The following PPP2R2C variants were observed in gnomAD, a reference collection of about 807,000 sequenced individuals.
PPP2R2C encodes the protein protein phosphatase 2, regulatory subunit B, gamma.
In PPP2R2C, 10 loss-of-function variants were observed where a neutral mutation model predicts 45.3. The observed-to-expected ratio is 0.22, with a 90% CI of 0.14 to 0.37. The LOEUF (loss-of-function observed/expected upper bound fraction) is 0.37. PPP2R2C is among the 10% of genes least tolerant of loss of function. The pLI, the probability that PPP2R2C is intolerant of heterozygous loss-of-function variation, is 1.00. For missense variants in PPP2R2C, 308 were observed against 619.7 expected (o/e 0.50, Z 5.34); for synonymous variants, 257 against 245.4 (o/e 1.05, Z -0.44).
At chr4:6,340,284 G>A (rs1021850600) in intron 6 of PPP2R2C, among the ~76,000 whole-genome samples, 1 of 152,096 alleles carries the variant, frequency 6.6e-6, no homozygotes, top group Non-Finnish European at 1.5e-5. Flanking sequence ...CGTCAGCCAG[G>A]TTCCTCTCAG....
At position 6,421,059 on chromosome 4, in the gene PPP2R2C, T is replaced by G. The variant is rs116456820; in HGVS notation, c.71-39965A>C. On this transcript the variant is annotated intron_variant, in intron 1 of 8. Transcript: ENST00000382599. The stretch of plus-strand genomic sequence containing the variant: ...GCTTTGTGTGCACCCTTCTTCCTAT[T>G]TGGGGTGTCCACAGAAGTGGAGAGG... The G allele has an allele frequency of 5.1e-6, 5 of 985,118 alleles. No homozygotes were observed. In the African/African-American group the frequency reaches 8.7e-5, roughly 17 times the overall value. 61.0% of individuals were successfully genotyped at this position (985,118 alleles called of 1,614,324 possible).
chr4:6,427,060 A>C (rs1201980721), intron 1 of PPP2R2C, among the ~76,000 whole-genome samples: 1 of 152,186 alleles, frequency 6.6e-6, no homozygotes, highest in Non-Finnish European at 1.5e-5. Context: ...CCAAGAAGAG[A>C]ATATCTGACC....
At chr4:6,561,327 A>G (rs1189483724) in intron 1 of PPP2R2C, among the ~76,000 whole-genome samples, 2 of 152,160 alleles carry the variant, frequency 1.3e-5, no homozygotes, top group Non-Finnish European at 2.9e-5. Context: ...AGGAAATAAA[A>G]CCACCATGAC....
chr4:6,335,594 C>A (rs1195446495), intron 6 of PPP2R2C, among the ~76,000 whole-genome samples: 1 of 152,014 alleles, frequency 6.6e-6, no homozygotes, highest in East Asian at 1.9e-4. Context: ...AGGATGAAAT[C>A]TGAGTCAAGG....
intron 1 of PPP2R2C, among the ~76,000 whole-genome samples, chr4:6,402,305 A>G (rs181141282): frequency 6.6e-6 from 1 of 152,254 alleles, no homozygotes; most frequent in East Asian, 1.9e-4. Flanking sequence ...GGCTCTTCAT[A>G]CAAGCGGCCC....
chr4:6,433,600 C>T (rs554353654), intron 1 of PPP2R2C, among the ~76,000 whole-genome samples: 8 of 152,208 alleles, frequency 5.3e-5, no homozygotes, highest in South Asian at 2.1e-4. Flanking sequence ...GTCATCCCCC[C>T]CATTGGGCCA....
intron 2 of PPP2R2C, among the ~76,000 whole-genome samples, chr4:6,488,762 C>T (rs896003449): frequency 1.9e-4 from 29 of 149,292 alleles, no homozygotes; most frequent in African/African-American, 6.7e-4. Context: ...CAGAAATTAT[C>T]AATCTAGGAC....
rs143254935 is a variant in PPP2R2C at position 6,333,694 on chromosome 4, G to A, written c.828C>T (p.Phe276=). 8 of 1,614,048 alleles carry A rather than the reference G, an allele frequency of 5.0e-6. No individual in the cohort carries two copies. The African/African-American group carries it at 1.1e-4, about 22-fold the overall frequency. The change falls in exon 7 of 9, where the codon TTC becomes TTT. Residue 276 remains phenylalanine (F), a synonymous_variant. Transcript: ENST00000382599. ...ACACGGAGGAGATGATTTCCGAGAA[G>A]AATGAGCGGTTACTGGGGTCCTCAG... ...EEPEDPSNRS[F]FSEIISSVSD... is the part of the protein sequence containing the mutation.
At chr4:6,430,588 A>G (rs1044027730) in intron 1 of PPP2R2C, among the ~76,000 whole-genome samples, 1 of 152,176 alleles carries the variant, frequency 6.6e-6, no homozygotes, top group Non-Finnish European at 1.5e-5. Context: ...ATTTAGCAGA[A>G]TCAGGCCAAC....
chr4:6,477,456 G>T (rs1456658177), upstream of PPP2R2C, among the ~76,000 whole-genome samples: 2 of 152,138 alleles, frequency 1.3e-5, no homozygotes, highest in African/African-American at 4.8e-5. Context: ...GCTGGGCACG[G>T]TGCCTCACGC....
At chr4:6,525,007 G>T (rs549478454) in intron 2 of PPP2R2C, among the ~76,000 whole-genome samples, 2 of 152,126 alleles carry the variant, frequency 1.3e-5, no homozygotes, top group African/African-American at 4.8e-5. Context: ...GATCACTTGA[G>T]CCCAGGAAGT....
chr4:6,534,937 G>A (rs946378377), intron 2 of PPP2R2C, among the ~76,000 whole-genome samples: 34 of 152,250 alleles, frequency 2.2e-4, no homozygotes. Context: ...AACACTGTTG[G>A]CCCAGTGAGT....
At chr4:6,446,164 C>T (rs912340263) in intron 1 of PPP2R2C, among the ~76,000 whole-genome samples, 1 of 152,170 alleles carries the variant, frequency 6.6e-6, no homozygotes, top group Non-Finnish European at 1.5e-5. Flanking sequence ...CAGAACAGCA[C>T]TTGATCCACA....
chr4:6,516,725 C>T (rs1296413566), intron 2 of PPP2R2C, among the ~76,000 whole-genome samples: 2 of 152,196 alleles, frequency 1.3e-5, no homozygotes, highest in East Asian at 1.9e-4. Flanking sequence ...CATGCTTTGG[C>T]GTTAACACAT....
chr4:6,373,554 CTT>C, intron 4 of PPP2R2C, among the ~76,000 whole-genome samples: 1 of 152,332 alleles, frequency 6.6e-6, no homozygotes. Context: ...GGCGTCACCT[CTT>C]GTTTATCTCT....
chr4:6,551,035 G>T (rs1444614909), intron 1 of PPP2R2C, among the ~76,000 whole-genome samples: 1 of 152,200 alleles, frequency 6.6e-6, no homozygotes, highest in East Asian at 1.9e-4. Flanking sequence ...GGGCCATGGA[G>T]CCTGGTGGTT....
At chr4:6,386,319 A>G (rs1716205922) in intron 1 of PPP2R2C, among the ~76,000 whole-genome samples, 1 of 152,150 alleles carries the variant, frequency 6.6e-6, no homozygotes, top group African/African-American at 2.4e-5. Flanking sequence ...GGCTTGATAG[A>G]GCAGCAAACA....
chr4:6,354,263 G>A (rs1712929936), intron 5 of PPP2R2C, among the ~76,000 whole-genome samples: 1 of 151,706 alleles, frequency 6.6e-6, no homozygotes, highest in East Asian at 2.0e-4. Context: ...CCAGCGTGCT[G>A]CCCCTGCCTG....
intron 4 of PPP2R2C, among the ~76,000 whole-genome samples, chr4:6,373,171 CAGCGGGAGCACCTTCCCCACCTGGA>C (rs1218061520): frequency 2.0e-5 from 3 of 152,186 alleles, no homozygotes; most frequent in African/African-American, 4.8e-5. Context: ...TGCAGCTAAG[CAGCGGGAGCACCTTCCCCACCTGGA>C]AGGTGAGGAC....
Sources: gnomAD v4.1 joint callset for allele counts (sites outside exome capture counted in the v4.1 genomes callset) on GRCh38, gnomAD v4.1.1 for gene constraint, MANE v1.5 for transcripts, NCBI Gene and HGNC (gene_info 2026-07-23, HGNC 2026-07-21) for gene names.